Variants in SVIL observed in about 807,000 individuals in gnomAD.
SVIL encodes the protein supervillin, also known as archvillin.
Under a neutral mutation model 240.4 loss-of-function variants are expected in SVIL, and 101 were observed. The ratio of observed to expected loss-of-function variants is 0.42; its 90% confidence interval spans 0.36 to 0.50. The LOEUF is 0.50. SVIL is among the 20% of genes least tolerant of loss of function. The pLI, the probability that SVIL is intolerant of heterozygous loss-of-function variation, is 0.01. For missense variants in SVIL, 2,512 were observed against 2,818.7 expected (o/e 0.89, Z 2.46); for synonymous variants, 999 against 1,100.0 (o/e 0.91, Z 1.82).
At position 29,494,910 on chromosome 10, in the gene SVIL, G is replaced by T. The variant is rs778729599; in HGVS notation, c.3841+4C>A. 4 of 1,605,218 alleles carry T rather than the reference G, an allele frequency of 2.5e-6. No homozygotes were observed. The highest frequency in any genetic ancestry group is 3.4e-6 in the Non-Finnish European group (4 of 1,172,582). On this transcript the variant is annotated splice_donor_region_variant and intron_variant, in intron 20 of 37. Coordinates refer to ENST00000355867, the MANE Select transcript of SVIL (RefSeq NM_021738.3). The stretch of plus-strand genomic sequence containing the variant: ...AGCAAAGCCTTCTGGCTTCCAGTAG[G>T]TACCTTTGTTATTCAGCCTTCTTAG...
At chr10:29,718,397 A>T (rs976428256) in intron 1 of SVIL, among the ~76,000 whole-genome samples, 9 of 152,132 alleles carry the variant, frequency 5.9e-5, no homozygotes, top group African/African-American at 2.2e-4. Flanking sequence ...AAAATTACAT[A>T]TGTGGTTTAC....
At position 29,601,755 on chromosome 10, in the gene SVIL, T is replaced by C. The variant is rs182412238; in HGVS notation, c.-200-32443A>G. Among the ~76,000 whole-genome samples, 181 of 152,310 alleles carry C rather than the reference T, an allele frequency of 1.2e-3. 2 individuals carry two copies. Among genetic ancestry groups the C allele is most frequent in the East Asian group, 3.7e-3 (19 of 5,176 alleles). On this transcript the variant is annotated intron_variant, in intron 1 of 37. Coordinates refer to ENST00000355867, the MANE Select transcript of SVIL (RefSeq NM_021738.3). ...CTAATGACAATGACTTTAAGGTTGT[T>C]CTAAGGATTGATGACATTCACATTT... is the stretch of plus-strand genomic sequence containing the variant.
intron 30 of SVIL, among the ~76,000 whole-genome samples, chr10:29,472,594 C>G (rs1945710921): frequency 6.6e-6 from 1 of 152,252 alleles, no homozygotes; most frequent in African/African-American, 2.4e-5. Flanking sequence ...AGAGGAGACT[C>G]AGGCAGAGCT....
intron 8 of SVIL, 42 bp from the exon 9 acceptor site, chr10:29,532,214 A>G: frequency 6.3e-7 from 1 of 1,593,078 alleles, no homozygotes; most frequent in East Asian, 2.2e-5. Context: ...AAGGCAAACG[A>G]AGACAGAGAA....
At position 29,707,583 on chromosome 10, in the gene SVIL, T is replaced by C. The variant is rs7893277; in HGVS notation, c.-399-20932A>G. 8.8e-3 allele frequency among the ~76,000 whole-genome samples: 1,343 copies of C among 152,284 alleles called. 22 individuals are homozygous for C. Among genetic ancestry groups the C allele is most frequent in the African/African-American group, 0.031 (1,288 of 41,556 alleles). On this transcript the variant is annotated intron_variant, in intron 1 of 35. Transcript: ENST00000375400. Reference sequence around the variant, plus strand: ...CTACATCTGCTTGCTTGAAGATATCTGTGGTAGCAGTGGTAATAGTGACAG... The same window carrying C: ...CTACATCTGCTTGCTTGAAGATATCCGTGGTAGCAGTGGTAATAGTGACAG...
chr10:29,585,870 G>A (rs1251683182), intron 1 of SVIL, among the ~76,000 whole-genome samples: 4 of 152,258 alleles, frequency 2.6e-5, no homozygotes, highest in African/African-American at 9.6e-5. Context: ...ATGAGAAGCC[G>A]CTTAGACAAG....
chr10:29,598,149 A>G (rs1177733420), intron 1 of SVIL, among the ~76,000 whole-genome samples: 5 of 152,156 alleles, frequency 3.3e-5, no homozygotes, highest in Non-Finnish European at 1.5e-5. Context: ...AAAATACTGT[A>G]TGATCCCACA....
At chr10:29,495,567 C>A (rs1338016854) in intron 18 of SVIL, among the ~76,000 whole-genome samples, 1 of 152,136 alleles carries the variant, frequency 6.6e-6, no homozygotes, top group Non-Finnish European at 1.5e-5. Flanking sequence ...CACTTGCCAG[C>A]AAGTGGCCCC....
chr10:29,558,212 G>A (rs1185635118), intron 3 of SVIL, among the ~76,000 whole-genome samples: 3 of 152,126 alleles, frequency 2.0e-5, no homozygotes, highest in African/African-American at 7.2e-5. Context: ...GCAAAGCTAT[G>A]CCAAGCCTAT....
At position 29,550,037 on chromosome 10, in the gene SVIL, A is replaced by G. The variant is rs1474204475; in HGVS notation, c.827+560T>C. The stretch of plus-strand genomic sequence containing the variant: ...TAAAGTATAAAAAAAAAAAAAAAAA[A>G]GAATTACGAAGAAAAGAAAAAGAAA... On this transcript the variant is annotated intron_variant, in intron 6 of 37. Coordinates refer to ENST00000355867, the MANE Select transcript of SVIL (RefSeq NM_021738.3). 2.1e-5 allele frequency among the ~76,000 whole-genome samples: 3 copies of G among 140,708 alleles called. No individual in the cohort carries two copies. In the East Asian group the frequency reaches 6.3e-4, roughly 29 times the overall value. The allele number at this position is 140,708 out of a possible 152,430, so 92.3% of individuals were successfully genotyped here.
intron 21 of SVIL, among the ~76,000 whole-genome samples, chr10:29,492,532 C>T (rs1308878188): frequency 6.6e-6 from 1 of 152,100 alleles, no homozygotes; most frequent in East Asian, 1.9e-4. Context: ...AGCCGGCAAA[C>T]CCCTCCGCAC....
chr10:29,638,986 G>T (rs568076848), upstream of SVIL, among the ~76,000 whole-genome samples: 2 of 152,124 alleles, frequency 1.3e-5, no homozygotes, highest in Non-Finnish European at 2.9e-5. Flanking sequence ...TTAGAGACAG[G>T]TTCTCACTAT....
chr10:29,639,305 G>A (rs1958408208), upstream of SVIL, among the ~76,000 whole-genome samples: 1 of 152,192 alleles, frequency 6.6e-6, no homozygotes, highest in Non-Finnish European at 1.5e-5. Flanking sequence ...CGGAGTAGCT[G>A]GGACTACAGG....
At chr10:29,545,129 A>T in intron 6 of SVIL, 1 of 532,676 alleles carries the variant, frequency 1.9e-6, no homozygotes, top group Non-Finnish European at 3.8e-6. Context: ...GCATGGAAAC[A>T]GACCACTGAG....
chr10:29,715,381 TCCC>T (rs1052595863), intron 1 of SVIL, among the ~76,000 whole-genome samples: 9 of 152,332 alleles, frequency 5.9e-5, no homozygotes, highest in African/African-American at 2.2e-4. Flanking sequence ...GGGACAGCTT[TCCC>T]CTAACACTCT....
intron 6 of SVIL, among the ~76,000 whole-genome samples, chr10:29,544,639 T>C (rs1410182547): frequency 6.7e-6 from 1 of 149,446 alleles, no homozygotes; most frequent in Admixed American, 6.7e-5. Context: ...ATCTGTTAAG[T>C]CCCAACTACT....
intron 1 of SVIL, among the ~76,000 whole-genome samples, chr10:29,702,175 C>CAAAAA (rs60338711): frequency 2.8e-4 from 17 of 61,604 alleles, no homozygotes; most frequent in East Asian, 9.7e-4. Context: ...ACTCCATCTC[C>CAAAAA]AAAAAAAAAA....
chr10:29,568,823 G>A (rs201563235), intron 2 of SVIL, among the ~76,000 whole-genome samples: 12 of 106,218 alleles, frequency 1.1e-4, no homozygotes, highest in South Asian at 6.5e-4. Flanking sequence ...GGATGGATGT[G>A]TGTGTGTGTG....
At chr10:29,693,018 C>T (rs777169229) in intron 1 of SVIL, among the ~76,000 whole-genome samples, 2 of 152,134 alleles carry the variant, frequency 1.3e-5, no homozygotes, top group East Asian at 1.9e-4. Context: ...TCAAGGTCAT[C>T]GCCAAGGTCC....
Sources: gnomAD v4.1 joint callset for allele counts (sites outside exome capture counted in the v4.1 genomes callset) on GRCh38, gnomAD v4.1.1 for gene constraint, MANE v1.5 for transcripts, NCBI Gene and HGNC (gene_info 2026-07-23, HGNC 2026-07-21) for gene names.